The following GPHN variants were observed in gnomAD, a reference collection of about 807,000 sequenced individuals.
GPHN encodes the protein gephyrin.
Under a neutral mutation model 95.5 loss-of-function variants are expected in GPHN, and 17 were observed. That is an observed-to-expected ratio of 0.18 (90% confidence interval 0.12 to 0.27). The LOEUF (loss-of-function observed/expected upper bound fraction) is 0.27, where lower values mean the gene tolerates loss of function less well. Among genes scored for constraint, GPHN ranks in the 10% least tolerant of loss-of-function variants. The probability of loss-of-function intolerance (pLI) is 1.00; values close to 1 mark genes in which losing one functional copy is unlikely to be tolerated. For synonymous variants in GPHN, 320 were observed against 322.5 expected (o/e 0.99, Z 0.08); for missense variants, 660 against 978.1 (o/e 0.67, Z 4.34).
the GPHN span, chr14:67,580,975 A>G: frequency 6.2e-7 from 1 of 1,613,644 alleles, no homozygotes; most frequent in East Asian, 2.2e-5. Flanking sequence ...CAAGCCATGA[A>G]GGAGCTGCAC....
intron 9 of GPHN, among the ~76,000 whole-genome samples, chr14:66,974,847 T>C (rs1427152568): frequency 6.6e-6 from 1 of 152,190 alleles, no homozygotes; most frequent in African/African-American, 2.4e-5. Flanking sequence ...TGATGATGAA[T>C]CACTTAATAC....
the GPHN span, chr14:67,574,152 G>A: frequency 8.3e-7 from 1 of 1,202,610 alleles, no homozygotes; most frequent in African/African-American, 1.5e-5. The surrounding 1 kb of genome is among the most constrained non-coding windows in gnomAD (Gnocchi z 4.2). Flanking sequence ...CAGCCCCTTG[G>A]GTTCAGGGAC....
intron 19 of GPHN, among the ~76,000 whole-genome samples, chr14:67,164,021 C>T (rs1038839838): frequency 2.0e-5 from 3 of 151,856 alleles, no homozygotes; most frequent in Non-Finnish European, 2.9e-5. Flanking sequence ...GTAATCCCAG[C>T]ACTTTGGGAG....
chr14:67,414,123 C>T, the GPHN span, among the ~76,000 whole-genome samples: 1 of 152,202 alleles, frequency 6.6e-6, no homozygotes, highest in African/African-American at 2.4e-5. Context: ...CCCACCCAGA[C>T]ACAATCTTCT....
At chr14:67,043,965 G>T (rs1451964846) in intron 10 of GPHN, among the ~76,000 whole-genome samples, 2 of 152,154 alleles carry the variant, frequency 1.3e-5, no homozygotes, top group Non-Finnish European at 2.9e-5. Flanking sequence ...GGGTGTATGT[G>T]TCCAGGAATT....
chr14:66,879,134 A>G (rs576513872), intron 4 of GPHN, among the ~76,000 whole-genome samples: 3 of 152,230 alleles, frequency 2.0e-5, no homozygotes, highest in African/African-American at 7.2e-5. Context: ...ACATGTTCTC[A>G]CTCATAAGTG....
chr14:66,541,021 C>T (rs2059335251), intron 1 of GPHN, among the ~76,000 whole-genome samples: 1 of 152,026 alleles, frequency 6.6e-6, no homozygotes, highest in Non-Finnish European at 1.5e-5. Context: ...GATCTTGGCT[C>T]ACTGCAACCT....
chr14:67,583,866 C>G, the GPHN span: 1 of 1,613,732 alleles, frequency 6.2e-7, no homozygotes, highest in Non-Finnish European at 8.5e-7. Flanking sequence ...GACATGGGGC[C>G]CCCGCTGAAC....
chr14:66,850,272 G>T (rs1210876354), intron 4 of GPHN, among the ~76,000 whole-genome samples: 1 of 151,970 alleles, frequency 6.6e-6, no homozygotes, highest in Admixed American at 6.6e-5. Context: ...CAATTATTTT[G>T]CTTGGCAAAC....
At chr14:66,556,381 T>C (rs2060008531) in intron 1 of GPHN, among the ~76,000 whole-genome samples, 1 of 152,220 alleles carries the variant, frequency 6.6e-6, no homozygotes, top group South Asian at 2.1e-4. Context: ...TGAAACTCTG[T>C]TGATCTTTAA....
intron 4 of GPHN, among the ~76,000 whole-genome samples, chr14:66,876,489 G>A (rs1374167186): frequency 6.6e-6 from 1 of 152,044 alleles, no homozygotes; most frequent in African/African-American, 2.4e-5. Flanking sequence ...TAACAAAAGA[G>A]ATAGAACACT....
chr14:66,773,255 A>G (rs574606080), intron 2 of GPHN, among the ~76,000 whole-genome samples: 1 of 152,220 alleles, frequency 6.6e-6, no homozygotes, highest in African/African-American at 2.4e-5. Context: ...ACATGGGGAT[A>G]GTTGAGTACC....
At chr14:67,569,383 G>A in the GPHN span, among the ~76,000 whole-genome samples, 9 of 152,168 alleles carry the variant, frequency 5.9e-5, no homozygotes, top group African/African-American at 1.9e-4. Flanking sequence ...GTCCCACCTA[G>A]GAGGGAAAGG....
At chr14:66,811,554 A>C (rs1340016838) in intron 3 of GPHN, among the ~76,000 whole-genome samples, 1 of 139,372 alleles carries the variant, frequency 7.2e-6, no homozygotes, top group East Asian at 2.2e-4. Flanking sequence ...AGCAAAAAAA[A>C]AAAAAAGAAA....
At chr14:67,253,705 G>A in the GPHN span, among the ~76,000 whole-genome samples, 25 of 152,108 alleles carry the variant, frequency 1.6e-4, no homozygotes, top group Admixed American at 4.6e-4. Context: ...AAATTAGCTG[G>A]GTTTGCATTC....
chr14:66,512,234 A>G (rs888241179), intron 1 of GPHN, among the ~76,000 whole-genome samples: 29 of 151,866 alleles, frequency 1.9e-4, no homozygotes, highest in South Asian at 6.2e-4. Context: ...CAGGCTCACT[A>G]TATCTGGAAT....
intron 2 of GPHN, among the ~76,000 whole-genome samples, chr14:66,756,153 C>A (rs1327080317): frequency 6.6e-6 from 1 of 151,876 alleles, no homozygotes; most frequent in Non-Finnish European, 1.5e-5. Flanking sequence ...AATGTTTTGC[C>A]CTACAAATTA....
chr14:67,386,014 C>G, the GPHN span: 23,554 of 152,040 alleles, frequency 0.15, 3,452 homozygotes, highest in East Asian at 0.42. Flanking sequence ...TGCCCCAACC[C>G]CAAGGTAATG....
At position 67,135,101 on chromosome 14, in the gene GPHN, G is replaced by A. The variant is rs527959054; in HGVS notation, c.1749-8261G>A. Reference sequence around the variant, plus strand: ...CAGTGTCCTGAGTAACGGGCATTACGGGCACCTGCCACCACACCCAACTAA... The same window carrying A: ...CAGTGTCCTGAGTAACGGGCATTACAGGCACCTGCCACCACACCCAACTAA... On this transcript the variant is annotated intron_variant, in intron 17 of 22. Coordinates refer to ENST00000478722, the MANE Select transcript of GPHN (RefSeq NM_020806.5). 2.1e-4 allele frequency among the ~76,000 whole-genome samples: 31 copies of A among 150,686 alleles called. No homozygotes were observed. In the South Asian group the frequency reaches 5.9e-3, roughly 29 times the overall value.
Sources: allele counts gnomAD v4.1 joint callset (sites outside exome capture counted in the v4.1 genomes callset), GRCh38; gene constraint gnomAD v4.1.1; non-coding constraint Gnocchi (gnomAD v3.1); transcripts MANE v1.5; gene names NCBI Gene and HGNC (gene_info 2026-07-23, HGNC 2026-07-21).